The following ESR1 variants were observed in gnomAD, a reference collection of about 807,000 sequenced individuals.
The protein encoded by ESR1 is estrogen receptor 1, also known as estrogen receptor.
A neutral mutation model predicts 52.7 loss-of-function variants in ESR1; 12 were observed. The observed-to-expected ratio is 0.23, with a 90% CI of 0.15 to 0.37. The LOEUF is 0.37. Among genes scored for constraint, ESR1 ranks in the 10% least tolerant of loss-of-function variants. The probability of loss-of-function intolerance (pLI) is 1.00; values close to 1 mark genes in which losing one functional copy is unlikely to be tolerated. For synonymous variants in ESR1, 305 were observed against 316.8 expected (o/e 0.96, Z 0.39); for missense variants, 584 against 779.7 (o/e 0.75, Z 2.99).
At chr6:151,864,183 A>G (rs539729175) in intron 2 of ESR1, among the ~76,000 whole-genome samples, 1 of 152,318 alleles carries the variant, frequency 6.6e-6, no homozygotes, top group East Asian at 1.9e-4. Context: ...AATTTTTGCA[A>G]TCTACTCATC....
chr6:152,087,317 C>T (rs1485659947), intron 6 of ESR1, among the ~76,000 whole-genome samples: 1 of 152,116 alleles, frequency 6.6e-6, no homozygotes, highest in Non-Finnish European at 1.5e-5. Context: ...GAAATGGCCA[C>T]AAAAGGAGGT....
chr6:151,931,106 A>T (rs770093022), intron 3 of ESR1, among the ~76,000 whole-genome samples: 2 of 151,932 alleles, frequency 1.3e-5, no homozygotes, highest in Non-Finnish European at 2.9e-5. Flanking sequence ...TAATTTTGAA[A>T]AGTTCTCAGC....
At chr6:152,105,239 T>G (rs1185317231), downstream of ESR1, among the ~76,000 whole-genome samples, 2 of 152,188 alleles carry the variant, frequency 1.3e-5, no homozygotes, top group East Asian at 1.9e-4. Context: ...TTGTGGAAAC[T>G]CCAATTTATA....
At chr6:151,764,493 G>C (rs992372418) in intron 2 of ESR1, among the ~76,000 whole-genome samples, 1 of 152,116 alleles carries the variant, frequency 6.6e-6, no homozygotes, top group Non-Finnish European at 1.5e-5. Context: ...ACGGCCAGTG[G>C]GGGGCTGCTG....
chr6:152,009,855 G>A (rs1046168428), intron 4 of ESR1, among the ~76,000 whole-genome samples: 10 of 152,066 alleles, frequency 6.6e-5, no homozygotes, highest in African/African-American at 1.7e-4. Flanking sequence ...AGGATACATC[G>A]TATTTATTTA....
chr6:151,862,237 A>C (rs1228803607), intron 2 of ESR1, among the ~76,000 whole-genome samples: 1 of 152,226 alleles, frequency 6.6e-6, no homozygotes, highest in African/African-American at 2.4e-5. Flanking sequence ...GAATCTGACT[A>C]GTACGACTGC....
intron 1 of ESR1, among the ~76,000 whole-genome samples, chr6:151,838,990 T>A (rs975933539): frequency 6.6e-6 from 1 of 152,192 alleles, no homozygotes; most frequent in African/African-American, 2.4e-5. Context: ...ACATATTCTA[T>A]CTATATTGTG....
intron 2 of ESR1, among the ~76,000 whole-genome samples, chr6:151,712,993 T>C (rs1780739937): frequency 6.6e-6 from 1 of 152,188 alleles, no homozygotes; most frequent in African/African-American, 2.4e-5. Flanking sequence ...ATATCTCTTA[T>C]TATTTTGAGG....
At chr6:151,872,653 T>C (rs2128313184) in intron 2 of ESR1, among the ~76,000 whole-genome samples, 1 of 152,368 alleles carries the variant, frequency 6.6e-6, no homozygotes, top group African/African-American at 2.4e-5. Context: ...GTTCCAATGA[T>C]ATCATTGTTT....
intron 1 of ESR1, among the ~76,000 whole-genome samples, chr6:151,816,405 A>G (rs1779656660): frequency 1.3e-5 from 2 of 152,206 alleles, no homozygotes. Context: ...TCAGTTTCCT[A>G]ATCTGTAAAA....
At chr6:152,033,821 G>A (rs923026066) in intron 5 of ESR1, among the ~76,000 whole-genome samples, 1 of 152,110 alleles carries the variant, frequency 6.6e-6, no homozygotes, top group African/African-American at 2.4e-5. Context: ...TATAAATCAT[G>A]CTGCTATAAA....
chr6:151,827,718 A>T (rs1453641141), intron 1 of ESR1, among the ~76,000 whole-genome samples: 1 of 152,208 alleles, frequency 6.6e-6, no homozygotes, highest in Non-Finnish European at 1.5e-5. Flanking sequence ...GTTTGTATTG[A>T]TTCGCACTTT....
chr6:152,082,848 G>T (rs2049346635), intron 6 of ESR1, among the ~76,000 whole-genome samples: 1 of 152,148 alleles, frequency 6.6e-6, no homozygotes, highest in Non-Finnish European at 1.5e-5. Context: ...AATCATGAGT[G>T]AACTCCCATT....
intron 2 of ESR1, among the ~76,000 whole-genome samples, 168 bp downstream of exon 2, chr6:151,842,955 G>A (rs557827457): frequency 6.6e-6 from 1 of 152,302 alleles, no homozygotes; most frequent in African/African-American, 2.4e-5. Flanking sequence ...CAGGATCTCA[G>A]GAGAAGGAGT....
chr6:151,675,393 C>A (rs914847989), intron 1 of ESR1, among the ~76,000 whole-genome samples: 4 of 151,982 alleles, frequency 2.6e-5, no homozygotes, highest in African/African-American at 9.7e-5. Context: ...GTCTCGGATG[C>A]TGGAATTTGT....
chr6:152,125,239 G>A (rs956336125), intron 6 of ESR1: 4 of 1,548,740 alleles, frequency 2.6e-6, no homozygotes, highest in African/African-American at 2.7e-5. Context: ...AATGGTAATG[G>A]TAATTCAGGT....
chr6:151,734,242 T>C (rs1782467314), intron 2 of ESR1, among the ~76,000 whole-genome samples: 1 of 152,170 alleles, frequency 6.6e-6, no homozygotes, highest in African/African-American at 2.4e-5. Context: ...CCTGGCTGCT[T>C]GTGAGAAAAT....
chr6:152,033,892 C>G (rs1324557537), intron 5 of ESR1, among the ~76,000 whole-genome samples: 1 of 152,150 alleles, frequency 6.6e-6, no homozygotes, highest in African/African-American at 2.4e-5. Context: ...TTGGAACCAA[C>G]CCAAATGTCC....
intron 1 of ESR1, among the ~76,000 whole-genome samples, chr6:151,670,319 C>CTTACATTACCCGTTTTTCCATCT (rs1778005803): frequency 6.6e-6 from 1 of 152,188 alleles, no homozygotes; most frequent in East Asian, 1.9e-4. Context: ...TTCAACATTC[C>CTTACATTACCCGTTTTTCCATCT]TTACATTACC....
Sources: allele counts gnomAD v4.1 joint callset (sites outside exome capture counted in the v4.1 genomes callset), GRCh38; gene constraint gnomAD v4.1.1; transcripts MANE v1.5; gene names NCBI Gene and HGNC (gene_info 2026-07-23, HGNC 2026-07-21).